The following RGS6 variants were observed in gnomAD, a reference collection of about 807,000 sequenced individuals.
The protein encoded by RGS6 is regulator of G-protein signaling 6.
In RGS6, 30 loss-of-function variants were observed where a neutral mutation model predicts 78.5. That is an observed-to-expected ratio of 0.38 (90% confidence interval 0.29 to 0.52). The LOEUF is 0.52. RGS6 is among the 20% of genes least tolerant of loss of function. The pLI is 0.85. For missense variants in RGS6, 495 were observed against 609.7 expected (o/e 0.81, Z 1.98); for synonymous variants, 206 against 206.0 (o/e 1.00, Z 0.00).
chr14:71,992,858 A>G (rs1256150811), intron 2 of RGS6, among the ~76,000 whole-genome samples: 2 of 152,058 alleles, frequency 1.3e-5, no homozygotes, highest in Non-Finnish European at 2.9e-5. Context: ...AGGTAAAACA[A>G]GCTTCATCTT....
chr14:72,497,898 T>C (rs561417114), intron 13 of RGS6, among the ~76,000 whole-genome samples: 60 of 152,274 alleles, frequency 3.9e-4, no homozygotes, highest in African/African-American at 1.4e-3. Flanking sequence ...AAATCCTTTT[T>C]TAAGAAGTCT....
In RGS6 at chr14:72,066,119, C is replaced by T. The variant is rs546510317; in HGVS notation, c.84+101244C>T. On this transcript the variant is annotated intron_variant, in intron 2 of 17. Transcript: ENST00000553525. ...TTCTGTGGAGGTGAAACTTAAATAT[C>T]TTCTATAAAATATGCCTCGATTTCA... is the stretch of plus-strand genomic sequence containing the variant. Among the ~76,000 whole-genome samples, 4 of 152,270 alleles carry T rather than the reference C, an allele frequency of 2.6e-5. No individual in the cohort carries two copies. In the South Asian group the frequency reaches 8.3e-4, roughly 32 times the overall value.
At chr14:72,085,099 C>T (rs2094973927) in intron 2 of RGS6, among the ~76,000 whole-genome samples, 2 of 152,260 alleles carry the variant, frequency 1.3e-5, no homozygotes, top group South Asian at 4.1e-4. Context: ...AACTTTCTTC[C>T]TCACAGAATG....
chr14:71,932,116 T>G (rs1431660494), upstream of RGS6, among the ~76,000 whole-genome samples: 3 of 152,122 alleles, frequency 2.0e-5, no homozygotes, highest in Non-Finnish European at 2.9e-5. Context: ...GAAAGCAGCC[T>G]CCGCCCGGTC....
chr14:72,100,978 A>G (rs948465754), intron 2 of RGS6, among the ~76,000 whole-genome samples: 1 of 152,236 alleles, frequency 6.6e-6, no homozygotes, highest in Non-Finnish European at 1.5e-5. Context: ...GGGCAACATG[A>G]CAAAACCCTG....
chr14:72,040,161 G>T (rs1483242665), intron 2 of RGS6, among the ~76,000 whole-genome samples: 3 of 151,886 alleles, frequency 2.0e-5, no homozygotes, highest in Non-Finnish European at 4.4e-5. Context: ...AATTTAAAAT[G>T]ACATACAACC....
At chr14:72,359,637 G>A (rs1017407624) in intron 3 of RGS6, among the ~76,000 whole-genome samples, 3 of 152,080 alleles carry the variant, frequency 2.0e-5, no homozygotes, top group Non-Finnish European at 4.4e-5. Flanking sequence ...AAAACACAGG[G>A]TACTCCAATC....
At chr14:72,595,954 C>T in the RGS6 span, among the ~76,000 whole-genome samples, 472 of 152,294 alleles carry the variant, frequency 3.1e-3, 2 homozygotes, top group African/African-American at 0.011. Flanking sequence ...CTCTTTAAAA[C>T]ATTCATGTGA....
intron 2 of RGS6, among the ~76,000 whole-genome samples, chr14:72,068,825 T>C (rs1027976770): frequency 4.6e-5 from 7 of 151,754 alleles, no homozygotes; most frequent in African/African-American, 1.7e-4. Flanking sequence ...CTTCCTTTTC[T>C]TTTTCTTTCT....
intron 2 of RGS6, among the ~76,000 whole-genome samples, chr14:72,200,146 T>C (rs777086852): frequency 1.3e-5 from 2 of 152,218 alleles, no homozygotes; most frequent in Non-Finnish European, 2.9e-5. Context: ...TTGTGGAAGA[T>C]TCCGTGATTT....
At position 72,566,098 on chromosome 14, in the gene RGS6, G is replaced by A. The variant is rs1165150193; in HGVS notation, c.*3631G>A. ...TCACCATGGGACCCTCTGAAGAGAGGCCTGTGCTCGTGTAACCATAGCAAC... is the reference window on the plus strand; with the variant it reads ...TCACCATGGGACCCTCTGAAGAGAGACCTGTGCTCGTGTAACCATAGCAAC... On this transcript the variant is annotated 3_prime_UTR_variant, in exon 18 of 18. Coordinates refer to ENST00000553525, the MANE Select transcript of RGS6 (RefSeq NM_001204424.2). 1 of 152,246 alleles carries A rather than the reference G, an allele frequency of 6.6e-6. No homozygotes were observed. The highest frequency in any genetic ancestry group is 1.5e-5 in the Non-Finnish European group (1 of 68,074). 9.4% of individuals were successfully genotyped at this position (152,246 alleles called of 1,614,324 possible).
chr14:72,272,171 G>A, intron 2 of RGS6, among the ~76,000 whole-genome samples: 1 of 152,280 alleles, frequency 6.6e-6, no homozygotes, highest in South Asian at 2.1e-4. Context: ...TAAAGGCACT[G>A]ATTTTTTTGA....
At chr14:72,570,355 C>A (rs1263637917), downstream of RGS6, among the ~76,000 whole-genome samples, 1 of 152,082 alleles carries the variant, frequency 6.6e-6, no homozygotes, top group African/African-American at 2.4e-5. Context: ...CTGGAACCAA[C>A]CCCCTAATGA....
the RGS6 span, among the ~76,000 whole-genome samples, chr14:72,611,499 G>A: frequency 6.6e-6 from 1 of 152,062 alleles, no homozygotes; most frequent in Non-Finnish European, 1.5e-5. Flanking sequence ...TGCCCAATCT[G>A]TACTTGAAGC....
Position 71,932,650 on chromosome 14 carries a change from C to T in RGS6, c.-312C>T, listed in dbSNP as rs1422438945. The T allele has an allele frequency of 2.0e-5, 3 of 152,202 alleles. No homozygotes were observed. The highest frequency in any genetic ancestry group is 7.2e-5 in the African/African-American group (3 of 41,454). The allele number at this position is 152,202 out of a possible 1,614,324, so 9.4% of individuals were successfully genotyped here. ...CAGCCCGGAGCGCGCCGGGGACACC[C>T]TGTGCGCCCCGAGTCCCGGCACCAT... On this transcript the variant is annotated 5_prime_UTR_variant, in exon 1 of 18. Transcript: ENST00000553525.
chr14:72,186,413 G>A (rs2097248493), intron 2 of RGS6, among the ~76,000 whole-genome samples: 1 of 152,214 alleles, frequency 6.6e-6, no homozygotes, highest in Non-Finnish European at 1.5e-5. Context: ...TAGCATCTGA[G>A]GCTTTGATGT....
chr14:71,948,574 G>C (rs1442020366), intron 1 of RGS6, among the ~76,000 whole-genome samples: 1 of 151,912 alleles, frequency 6.6e-6, no homozygotes, highest in African/African-American at 2.4e-5. Flanking sequence ...TCAAATCATT[G>C]TTCAATAAAT....
At chr14:71,886,580 C>G in the RGS6 span, among the ~76,000 whole-genome samples, 1 of 152,142 alleles carries the variant, frequency 6.6e-6, no homozygotes, top group Non-Finnish European at 1.5e-5. Context: ...TGGACAAGAC[C>G]AACATAGCTC....
chr14:72,052,516 A>ACT (rs2093312551), intron 2 of RGS6, among the ~76,000 whole-genome samples: 1 of 152,138 alleles, frequency 6.6e-6, no homozygotes, highest in African/African-American at 2.4e-5. Context: ...TTGTTTCCAG[A>ACT]TGGTAGACAA....
Sources: allele counts gnomAD v4.1 joint callset (sites outside exome capture counted in the v4.1 genomes callset), GRCh38; gene constraint gnomAD v4.1.1; transcripts MANE v1.5; gene names NCBI Gene and HGNC (gene_info 2026-07-23, HGNC 2026-07-21).